Variants in SAMD12 observed in about 807,000 individuals in gnomAD.
SAMD12 encodes the protein sterile alpha motif domain-containing protein 12.
In SAMD12, 9 loss-of-function variants were observed where a neutral mutation model predicts 15.0. The observed-to-expected ratio is 0.60, with a 90% CI of 0.36 to 1.05. The LOEUF is 1.05. Among genes scored for constraint, SAMD12 ranks in the 50% least tolerant of loss-of-function variants. The probability of loss-of-function intolerance (pLI) is 0.01; values close to 1 mark genes in which losing one functional copy is unlikely to be tolerated. For synonymous variants in SAMD12, 86 were observed against 90.1 expected (o/e 0.96, Z 0.25); for missense variants, 230 against 234.2 (o/e 0.98, Z 0.12).
At chr8:118,544,827 G>A (rs1245518336) in intron 2 of SAMD12, among the ~76,000 whole-genome samples, 1 of 152,144 alleles carries the variant, frequency 6.6e-6, no homozygotes, top group African/African-American at 2.4e-5. Flanking sequence ...GAAACATTAA[G>A]GTGAAAGGAT....
At chr8:118,216,894 G>T (rs10808496) in intron 4 of SAMD12, among the ~76,000 whole-genome samples, 2 of 152,174 alleles carry the variant, frequency 1.3e-5, no homozygotes, top group South Asian at 2.1e-4. Flanking sequence ...CTGCTAATGT[G>T]ACTTTGTGTG....
intron 2 of SAMD12, among the ~76,000 whole-genome samples, chr8:118,459,910 C>A (rs1823365762): frequency 6.6e-6 from 1 of 152,134 alleles, no homozygotes; most frequent in South Asian, 2.1e-4. Context: ...CACTAAGGAG[C>A]CAACAACCCA....
chr8:118,458,877 T>C (rs1398406729), intron 2 of SAMD12, among the ~76,000 whole-genome samples: 2 of 152,196 alleles, frequency 1.3e-5, no homozygotes, highest in East Asian at 3.8e-4. Context: ...TCTGTAGATT[T>C]AATGTGCCTG....
chr8:118,409,439 C>G (rs1302423357), intron 3 of SAMD12, among the ~76,000 whole-genome samples: 2 of 137,900 alleles, frequency 1.5e-5, no homozygotes, highest in African/African-American at 5.5e-5. Context: ...CCTATGTCAA[C>G]TGCTTCACCG....
intron 4 of SAMD12, among the ~76,000 whole-genome samples, chr8:118,322,874 TA>T (rs201302381): frequency 8.9e-6 from 1 of 112,828 alleles, no homozygotes; most frequent in African/African-American, 5.3e-5. Flanking sequence ...TTTTTTAAAT[TA>T]AAAAAAATTT....
chr8:118,490,935 GA>G (rs10713600), intron 2 of SAMD12, among the ~76,000 whole-genome samples: 66,120 of 147,320 alleles, frequency 0.45, 14,895 homozygotes, highest in East Asian at 0.63. Flanking sequence ...AAAGAAGTGG[GA>G]AAAAAAAAAA....
At chr8:118,139,778 A>G in the SAMD12 span, among the ~76,000 whole-genome samples, 1 of 152,312 alleles carries the variant, frequency 6.6e-6, no homozygotes, top group African/African-American at 2.4e-5. Context: ...TGGACCCCGT[A>G]TCTTCTTCCC....
chr8:118,558,329 T>C (rs1826602242), intron 2 of SAMD12, among the ~76,000 whole-genome samples: 1 of 152,210 alleles, frequency 6.6e-6, no homozygotes, highest in Non-Finnish European at 1.5e-5. Flanking sequence ...AGGAAGTTAA[T>C]ACTTTCTTCT....
At chr8:118,288,286 C>G (rs1184374398) in intron 4 of SAMD12, 1 of 152,170 alleles carries the variant, frequency 6.6e-6, no homozygotes, top group Non-Finnish European at 1.5e-5. Flanking sequence ...CCAAAGGTCA[C>G]AGTGTCTAGT....
At chr8:118,352,385 G>A (rs991934801) in intron 4 of SAMD12, among the ~76,000 whole-genome samples, 21 of 152,040 alleles carry the variant, frequency 1.4e-4, no homozygotes, top group Admixed American at 6.6e-4. Flanking sequence ...GAATAAAACC[G>A]TGAAACAGAT....
intron 4 of SAMD12, among the ~76,000 whole-genome samples, chr8:118,219,423 T>C (rs1812035183): frequency 6.6e-6 from 1 of 152,230 alleles, no homozygotes; most frequent in South Asian, 2.1e-4. Flanking sequence ...AAATCTAAAG[T>C]ACAAATCCTA....
At chr8:118,469,081 G>T (rs1017648102) in intron 2 of SAMD12, among the ~76,000 whole-genome samples, 1 of 152,062 alleles carries the variant, frequency 6.6e-6, no homozygotes, top group African/African-American at 2.4e-5. Context: ...GCAGGTCAAG[G>T]TTCAGTCTTC....
At chr8:118,468,302 GT>G (rs138649890) in intron 2 of SAMD12, among the ~76,000 whole-genome samples, 2,614 of 151,932 alleles carry the variant, frequency 0.017, 81 homozygotes, top group African/African-American at 0.06. Context: ...GGAGAGATGG[GT>G]TTTTTTGCCA....
intron 2 of SAMD12, among the ~76,000 whole-genome samples, chr8:118,446,024 A>T (rs1822901018): frequency 6.6e-6 from 1 of 152,194 alleles, no homozygotes; most frequent in Non-Finnish European, 1.5e-5. Flanking sequence ...TATGATTAAC[A>T]AGTAACAGGT....
intron 2 of SAMD12, among the ~76,000 whole-genome samples, chr8:118,449,050 G>A (rs1002620251): frequency 1.3e-5 from 2 of 148,670 alleles, no homozygotes; most frequent in South Asian, 4.3e-4. Context: ...CAGCAGCATG[G>A]ACACAGGCAG....
At chr8:118,312,543 A>G (rs1815683319) in intron 4 of SAMD12, among the ~76,000 whole-genome samples, 1 of 152,164 alleles carries the variant, frequency 6.6e-6, no homozygotes, top group Non-Finnish European at 1.5e-5. Flanking sequence ...ATATTGTCTT[A>G]GAATATCATT....
chr8:118,190,840 C>A, exon 5 of SAMD12: 1 of 152,152 alleles, frequency 6.6e-6, no homozygotes. Flanking sequence ...GTCTAGCATT[C>A]TTGAATTCAA....
At chr8:118,339,089 G>C (rs1210998502) in intron 4 of SAMD12, among the ~76,000 whole-genome samples, 1 of 152,158 alleles carries the variant, frequency 6.6e-6, no homozygotes, top group African/African-American at 2.4e-5. Context: ...ATTTTGGGAG[G>C]CTGAGGTGTG....
intron 4 of SAMD12, among the ~76,000 whole-genome samples, chr8:118,199,123 A>G (rs1389214578): frequency 6.6e-6 from 1 of 152,212 alleles, no homozygotes; most frequent in East Asian, 1.9e-4. Flanking sequence ...TAAAGCTTAT[A>G]TATATGCATA....
Sources: gnomAD v4.1 joint callset for allele counts (sites outside exome capture counted in the v4.1 genomes callset) on GRCh38, gnomAD v4.1.1 for gene constraint, MANE v1.5 for transcripts, NCBI Gene and HGNC (gene_info 2026-07-23, HGNC 2026-07-21) for gene names.